Variants in CACHD1 observed in about 807,000 individuals in gnomAD.
CACHD1 encodes the protein VWFA and cache domain-containing protein 1.
CACHD1 carries 71 observed loss-of-function variants against 138.7 expected under a neutral mutation model. The observed-to-expected ratio is 0.51, with a 90% CI of 0.42 to 0.62. CACHD1 has a LOEUF of 0.62. CACHD1 is among the 20% of genes least tolerant of loss of function. The pLI is 0.00. For missense variants in CACHD1, 1,389 were observed against 1,625.3 expected, an observed-to-expected ratio of 0.85 and a Z score of 2.50; for synonymous variants, 578 against 591.5, an observed-to-expected ratio of 0.98 and a Z score of 0.33.
At chr1:64,688,944 A>G (rs1330866746) in intron 26 of CACHD1, among the ~76,000 whole-genome samples, 1 of 152,140 alleles carries the variant, frequency 6.6e-6, no homozygotes, top group Non-Finnish European at 1.5e-5. Context: ...GATCTAAGCC[A>G]AGTCCATTGG....
At chr1:64,618,080 C>CA (rs11418731) in intron 4 of CACHD1, among the ~76,000 whole-genome samples, 90,169 of 144,082 alleles carry the variant, frequency 0.63, 29,881 homozygotes, top group East Asian at 0.77. Flanking sequence ...AACTCAGTCT[C>CA]AAAAAAAAAA....
At chr1:64,532,243 A>T (rs899156742) in intron 1 of CACHD1, among the ~76,000 whole-genome samples, 5 of 152,164 alleles carry the variant, frequency 3.3e-5, no homozygotes, top group African/African-American at 1.2e-4. Context: ...GCTGACTCAT[A>T]GCAGATGTAC....
At chr1:64,517,405 T>C (rs1323656554) in intron 1 of CACHD1, among the ~76,000 whole-genome samples, 1 of 152,028 alleles carries the variant, frequency 6.6e-6, no homozygotes, top group Non-Finnish European at 1.5e-5. Flanking sequence ...TACTATTCAA[T>C]AAAAAAGAAA....
intron 1 of CACHD1, among the ~76,000 whole-genome samples, chr1:64,489,668 G>T (rs796810510): frequency 3.3e-5 from 5 of 152,202 alleles, no homozygotes; most frequent in South Asian, 2.1e-4. Flanking sequence ...GATGAGGTTT[G>T]TAAGAATATC....
chr1:64,643,763 G>A (rs545443056), intron 8 of CACHD1, among the ~76,000 whole-genome samples: 9 of 152,126 alleles, frequency 5.9e-5, no homozygotes, highest in African/African-American at 2.2e-4. Context: ...GCTAGAACCC[G>A]GGAGGCGGAG....
chr1:64,619,055 G>A (rs1647816672), intron 4 of CACHD1, among the ~76,000 whole-genome samples: 1 of 152,168 alleles, frequency 6.6e-6, no homozygotes, highest in Admixed American at 6.6e-5. Flanking sequence ...CATAGATGAG[G>A]TGGTTTAAGA....
chr1:64,638,303 G>T (rs1014893072), intron 7 of CACHD1, among the ~76,000 whole-genome samples: 5 of 152,148 alleles, frequency 3.3e-5, no homozygotes. Flanking sequence ...CACATGTGAG[G>T]TTATTCAAAT....
chr1:64,575,716 G>C (rs763301189), intron 2 of CACHD1, among the ~76,000 whole-genome samples: 1 of 152,130 alleles, frequency 6.6e-6, no homozygotes, highest in Non-Finnish European at 1.5e-5. Flanking sequence ...TTTAAATAAA[G>C]CTTTCCCTAA....
At chr1:64,527,246 T>C (rs1646548060) in intron 1 of CACHD1, among the ~76,000 whole-genome samples, 1 of 152,170 alleles carries the variant, frequency 6.6e-6, no homozygotes, top group Non-Finnish European at 1.5e-5. Flanking sequence ...GAAGCTGGGA[T>C]CCATCAAGGA....
chr1:64,559,436 A>G (rs1006941959), intron 2 of CACHD1, among the ~76,000 whole-genome samples: 2 of 152,204 alleles, frequency 1.3e-5, no homozygotes, highest in Non-Finnish European at 2.9e-5. Context: ...AGTAAGTGGG[A>G]GCTAAATGAT....
At chr1:64,612,101 A>G (rs1647553341) in intron 4 of CACHD1, among the ~76,000 whole-genome samples, 2 of 152,150 alleles carry the variant, frequency 1.3e-5, no homozygotes, top group South Asian at 4.1e-4. Context: ...AGCATGGGGG[A>G]AACTGCCCCC....
At chr1:64,538,152 A>G (rs1215468877) in intron 1 of CACHD1, among the ~76,000 whole-genome samples, 2 of 152,086 alleles carry the variant, frequency 1.3e-5, no homozygotes. Flanking sequence ...AGCCTGAAAA[A>G]CGATATAGTC....
rs1006788083 is a variant in CACHD1 at position 64,665,960 on chromosome 1, G to C, written c.2277-97G>C. 3 of 579,126 alleles carry C rather than the reference G, an allele frequency of 5.2e-6. No homozygotes were observed. In the African/African-American group the frequency reaches 5.8e-5, roughly 11 times the overall value. The allele number at this position is 579,126 out of a possible 1,614,324, so 35.9% of individuals were successfully genotyped here. A position where few individuals can be genotyped will look rare whatever the true frequency, so the allele number is the denominator to read the frequency against. ...GCGGAGCTTGCAGTGAGCTGAGATC[G>C]CACCACTGCACTCCAGCCTGGGCGA... On this transcript the variant is annotated intron_variant, in intron 15 of 26. Coordinates refer to ENST00000651257, the MANE Select transcript of CACHD1 (RefSeq NM_020925.4).
chr1:64,508,442 G>A (rs1022960484), intron 1 of CACHD1, among the ~76,000 whole-genome samples: 2 of 152,186 alleles, frequency 1.3e-5, no homozygotes, highest in Non-Finnish European at 2.9e-5. Context: ...ATTTAGCAGG[G>A]GCTATGAGAG....
chr1:64,528,155 G>A (rs1049619747), intron 1 of CACHD1, among the ~76,000 whole-genome samples: 1 of 152,140 alleles, frequency 6.6e-6, no homozygotes, highest in Non-Finnish European at 1.5e-5. Context: ...TTATGGAGAT[G>A]GATATTATTA....
At chr1:64,615,768 T>A (rs1305259344) in intron 4 of CACHD1, among the ~76,000 whole-genome samples, 3 of 152,220 alleles carry the variant, frequency 2.0e-5, no homozygotes, top group Non-Finnish European at 1.5e-5. Flanking sequence ...TGTCCCATGA[T>A]GTGGAGTGAC....
In CACHD1 at chr1:64,673,161, C is replaced by T; in HGVS notation, c.2514C>T (p.Cys838=). The T allele has an allele frequency of 6.2e-7, 1 of 1,612,148 alleles. No individual in the cohort carries two copies. The highest frequency in any genetic ancestry group is 8.5e-7 in the Non-Finnish European group (1 of 1,179,640). The part of the protein sequence containing the change: ...CNQDGGNKIR[C]FIMEDRGYLV... ...GGCATAACTTGTTTTGGTACAGGTG[C>T]TTCATAATGGAGGACAGGGGTTATC... The change falls in exon 18 of 27, where the codon TGC becomes TGT. Residue 838 remains cysteine, a synonymous_variant. Transcript: ENST00000651257.
At chr1:64,690,520 C>T (rs1431562926) in intron 26 of CACHD1, among the ~76,000 whole-genome samples, 2 of 152,134 alleles carry the variant, frequency 1.3e-5, no homozygotes, top group African/African-American at 4.8e-5. Context: ...GCCTTTGAAA[C>T]ATGTATTACT....
chr1:64,618,457 A>C (rs904072278), intron 4 of CACHD1, among the ~76,000 whole-genome samples: 5 of 152,130 alleles, frequency 3.3e-5, no homozygotes, highest in Non-Finnish European at 7.4e-5. Context: ...AAAATCTCTC[A>C]TAGGGTTGTT....
Sources: gnomAD v4.1 joint callset for allele counts (sites outside exome capture counted in the v4.1 genomes callset) on GRCh38, gnomAD v4.1.1 for gene constraint, MANE v1.5 for transcripts, NCBI Gene and HGNC (gene_info 2026-07-23, HGNC 2026-07-21) for gene names.